Variants in SLC9A4 observed in about 807,000 individuals in gnomAD.
SLC9A4 encodes the protein sodium/hydrogen exchanger 4.
A neutral mutation model predicts 67.4 loss-of-function variants in SLC9A4; 63 were observed. That is an observed-to-expected ratio of 0.93 (90% confidence interval 0.76 to 1.15). The LOEUF (loss-of-function observed/expected upper bound fraction) is 1.15. SLC9A4 is among the 50% of genes most tolerant of loss of function. The pLI is 0.00. For synonymous variants in SLC9A4, 393 were observed against 367.2 expected (o/e 1.07, Z -0.80); for missense variants, 1,089 against 987.7 (o/e 1.10, Z -1.38).
intron 9 of SLC9A4, among the ~76,000 whole-genome samples, chr2:102,524,135 C>T (rs1048461894): frequency 2.0e-5 from 3 of 152,220 alleles, no homozygotes; most frequent in Non-Finnish European, 2.9e-5. Context: ...GCACATAGAA[C>T]ATTTTCTCTA....
chr2:102,492,235 CCTT>C (rs1222600741), intron 2 of SLC9A4, among the ~76,000 whole-genome samples: 1 of 152,212 alleles, frequency 6.6e-6, no homozygotes, highest in African/African-American at 2.4e-5. Context: ...AGGCCTGTGG[CCTT>C]CTTCTCACAG....
chr2:102,501,703 C>T (rs1684944910), intron 2 of SLC9A4, among the ~76,000 whole-genome samples: 2 of 151,874 alleles, frequency 1.3e-5, no homozygotes, highest in African/African-American at 4.8e-5. Flanking sequence ...GGTGTGCACA[C>T]AAAGCAGTGT....
In SLC9A4 at chr2:102,519,903, T is replaced by C. The variant is rs1685363924; in HGVS notation, c.1766T>C (p.Val589Ala). 6.2e-7 allele frequency: 1 copy of C among 1,613,722 alleles called. No individual in the cohort carries two copies. The highest frequency in any genetic ancestry group is 1.3e-5 in the African/African-American group (1 of 74,902). ...ATCAAAAGACTTTCCCCTGAAGATG[T>C]GGAGTCCATAAGGGACATTCTGACA... The part of the protein sequence containing the change: ...QGIKRLSPED[V>A]ESIRDILTSN... Residue 589 changes from valine to alanine, a missense_variant, in exon 9 of 12, where the codon GTG becomes GCG. By Grantham distance (64) the Val-to-Ala change is moderately conservative. Coordinates refer to ENST00000295269, the MANE Select transcript of SLC9A4 (RefSeq NM_001011552.4).
At chr2:102,479,941 G>T (rs6756536) in intron 2 of SLC9A4, among the ~76,000 whole-genome samples, 16,357 of 152,216 alleles carry the variant, frequency 0.11, 1,154 homozygotes, top group African/African-American at 0.2. Context: ...ATGTCTGTAG[G>T]CTGGGGGTGC....
At chr2:102,528,888 A>T (rs1674721461) in intron 11 of SLC9A4, among the ~76,000 whole-genome samples, 1 of 152,196 alleles carries the variant, frequency 6.6e-6, no homozygotes, top group Non-Finnish European at 1.5e-5. Context: ...TAGACAGGAT[A>T]TATATGAAGG....
Position 102,492,286 on chromosome 2 carries a change from G to A in SLC9A4, c.721-11162G>A, listed in dbSNP as rs865811067. On this transcript the variant is annotated intron_variant, in intron 2 of 11. Coordinates refer to ENST00000295269, the MANE Select transcript of SLC9A4 (RefSeq NM_001011552.4). ...GCACCCAAATGGGGAGTCTGTGTGG[G>A]GGCTCCAACTCCACATTTTCCTTCT... 3.9e-5 allele frequency among the ~76,000 whole-genome samples: 6 copies of A among 152,306 alleles called. No homozygotes were observed. In the South Asian group the frequency reaches 1.2e-3, roughly 32 times the overall value.
At position 102,532,878 on chromosome 2, in the gene SLC9A4, C is replaced by T. The variant is rs1021363324; in HGVS notation, c.*190C>T. 7.2e-6 allele frequency: 4 copies of T among 559,202 alleles called. No individual in the cohort carries two copies. Among genetic ancestry groups the T allele is most frequent in the East Asian group, 3.0e-5 (1 of 33,364 alleles). 34.6% of individuals were successfully genotyped at this position (559,202 alleles called of 1,614,324 possible). A position where few individuals can be genotyped will look rare whatever the true frequency, so the allele number is the denominator to read the frequency against. ...GCAAACTTGCAGGCTCTGCCATGTA[C>T]TTATTGTGGGGTACCTTTAGATGAA... On this transcript the variant is annotated 3_prime_UTR_variant, in exon 12 of 12. Coordinates refer to ENST00000295269, the MANE Select transcript of SLC9A4 (RefSeq NM_001011552.4).
At chr2:102,476,111 T>G (rs747094637) in intron 1 of SLC9A4, among the ~76,000 whole-genome samples, 2 of 152,182 alleles carry the variant, frequency 1.3e-5, no homozygotes, top group African/African-American at 2.4e-5. Context: ...CAGAAAAACA[T>G]CAAAACTCTC....
chr2:102,491,536 A>G (rs1410966573), intron 2 of SLC9A4, among the ~76,000 whole-genome samples: 1 of 151,964 alleles, frequency 6.6e-6, no homozygotes, highest in East Asian at 1.9e-4. Flanking sequence ...TTATAAAACC[A>G]CCAGATCTCA....
rs1244477718 is a variant in SLC9A4 at position 102,525,062 on chromosome 2, A to G, written c.1857A>G (p.Thr619=). Reference sequence around the variant, plus strand: ...ACAAATACAACCTCAAACCCCAAACAAGTGAGAAGCAGGCTAAAGAGATTC... The same window carrying G: ...ACAAATACAACCTCAAACCCCAAACGAGTGAGAAGCAGGCTAAAGAGATTC... ...SYNKYNLKPQ[T]SEKQAKEILI... is the part of the protein sequence containing the mutation. Residue 619 remains threonine (T), a synonymous_variant, in exon 10 of 12, where the codon ACA becomes ACG. Coordinates refer to ENST00000295269, the MANE Select transcript of SLC9A4 (RefSeq NM_001011552.4). The G allele has an allele frequency of 1.2e-6, 2 of 1,614,098 alleles. No homozygotes were observed. Among genetic ancestry groups the G allele is most frequent in the Non-Finnish European group, 1.7e-6 (2 of 1,179,984 alleles).
chr2:102,515,137 C>G (rs991126157), intron 8 of SLC9A4, among the ~76,000 whole-genome samples: 4 of 151,996 alleles, frequency 2.6e-5, no homozygotes, highest in Admixed American at 6.5e-5. Flanking sequence ...GGAACATGGG[C>G]CCCCTCCATC....
intron 8 of SLC9A4, among the ~76,000 whole-genome samples, chr2:102,518,004 A>G (rs1288230685): frequency 6.6e-6 from 1 of 152,208 alleles, no homozygotes; most frequent in East Asian, 1.9e-4. Flanking sequence ...TTGCTAATGA[A>G]GTGGCATGAA....
intron 2 of SLC9A4, among the ~76,000 whole-genome samples, chr2:102,493,502 C>A (rs920987457): frequency 6.6e-6 from 1 of 151,788 alleles, no homozygotes; most frequent in South Asian, 2.1e-4. Flanking sequence ...CTTTATAAAA[C>A]CATCAGATCT....
intron 2 of SLC9A4, among the ~76,000 whole-genome samples, chr2:102,491,460 G>A (rs763895629): frequency 2.6e-5 from 4 of 151,582 alleles, no homozygotes; most frequent in Non-Finnish European, 4.4e-5. Context: ...GGTGGAAGGC[G>A]AAGGAGGAGC....
chr2:102,527,687 G>T (rs796806611), intron 11 of SLC9A4, among the ~76,000 whole-genome samples: 15 of 152,198 alleles, frequency 9.9e-5, no homozygotes, highest in African/African-American at 3.6e-4. Flanking sequence ...TCACTAATTT[G>T]CCCTCACAAC....
At position 102,474,117 on chromosome 2, in the gene SLC9A4, C is replaced by T. The variant is rs1226243572; in HGVS notation, c.256+102C>T. 4 of 1,328,822 alleles carry T rather than the reference C, an allele frequency of 3.0e-6. No homozygotes were observed. In the East Asian group the frequency reaches 7.0e-5, roughly 23 times the overall value. The allele number at this position is 1,328,822 out of a possible 1,614,324, so 82.3% of individuals were successfully genotyped here. ...CGGGCTAAGAGGATTTTAACTGTTA[C>T]TGCTATTACATTAAAAATTCTCTTC... On this transcript the variant is annotated intron_variant, in intron 1 of 11. Transcript: ENST00000295269.
At chr2:102,482,334 C>T (rs6737325) in intron 2 of SLC9A4, among the ~76,000 whole-genome samples, 16,355 of 151,978 alleles carry the variant, frequency 0.11, 1,151 homozygotes, top group African/African-American at 0.2. Flanking sequence ...CTCAGATGAC[C>T]GCTGAAGTTT....
At chr2:102,523,080 C>T (rs573101489) in intron 9 of SLC9A4, among the ~76,000 whole-genome samples, 15 of 152,178 alleles carry the variant, frequency 9.9e-5, no homozygotes, top group African/African-American at 3.6e-4. Flanking sequence ...GCGACTCTCC[C>T]ACCTCAGCTT....
At chr2:102,504,294 TGCCCGCCTTG>T (rs1459915012) in intron 3 of SLC9A4, among the ~76,000 whole-genome samples, 1 of 152,186 alleles carries the variant, frequency 6.6e-6, no homozygotes, top group African/African-American at 2.4e-5. Context: ...CCTCGTGATC[TGCCCGCCTTG>T]GCCTCCCAAA....
Sources: allele counts gnomAD v4.1 joint callset (sites outside exome capture counted in the v4.1 genomes callset), GRCh38; gene constraint gnomAD v4.1.1; transcripts MANE v1.5; gene names NCBI Gene and HGNC (gene_info 2026-07-23, HGNC 2026-07-21).